CFAP299: variants seen among roughly 807,000 people sequenced by gnomAD.
The protein encoded by CFAP299 is cilia- and flagella-associated protein 299.
Under a neutral mutation model 27.0 loss-of-function variants are expected in CFAP299, and 21 were observed. The observed-to-expected ratio is 0.78, with a 90% CI of 0.55 to 1.12. The LOEUF (loss-of-function observed/expected upper bound fraction) is 1.12. Ranked by LOEUF, CFAP299 falls within the 50% of genes most tolerant of loss-of-function variation. The pLI, the probability that CFAP299 is intolerant of heterozygous loss-of-function variation, is 0.00. For synonymous variants in CFAP299, 104 were observed against 98.1 expected, an observed-to-expected ratio of 1.06 and a Z score of -0.36; for missense variants, 310 against 276.6, an observed-to-expected ratio of 1.12 and a Z score of -0.86.
intron 2 of CFAP299, among the ~76,000 whole-genome samples, chr4:80,402,383 G>A (rs550682802): frequency 6.6e-6 from 1 of 152,202 alleles, no homozygotes; most frequent in South Asian, 2.1e-4. Flanking sequence ...TTCAATCATG[G>A]GGGCTGGTCT....
chr4:80,507,183 G>T (rs974700255), intron 2 of CFAP299, among the ~76,000 whole-genome samples: 4 of 152,072 alleles, frequency 2.6e-5, no homozygotes, highest in African/African-American at 9.7e-5. Context: ...GTAAGAGATT[G>T]CAGGTGGGTG....
intron 3 of CFAP299, among the ~76,000 whole-genome samples, chr4:80,622,016 T>G (rs980966448): frequency 6.6e-6 from 1 of 152,112 alleles, no homozygotes; most frequent in Admixed American, 6.6e-5. Context: ...GAGAAGGCAC[T>G]TAAGTGTCAG....
At chr4:80,831,002 G>T (rs1730269866) in intron 3 of CFAP299, among the ~76,000 whole-genome samples, 1 of 152,018 alleles carries the variant, frequency 6.6e-6, no homozygotes, top group Non-Finnish European at 1.5e-5. Context: ...TGGCTAACAT[G>T]TTCAGTGTTG....
chr4:80,958,060 G>A (rs1451242600), intron 5 of CFAP299, among the ~76,000 whole-genome samples: 3 of 151,968 alleles, frequency 2.0e-5, no homozygotes, highest in Non-Finnish European at 4.4e-5. Flanking sequence ...ATTATTTGTC[G>A]TCCTGCTGCT....
At chr4:80,581,918 G>A (rs1484368122) in intron 2 of CFAP299, among the ~76,000 whole-genome samples, 2 of 151,766 alleles carry the variant, frequency 1.3e-5, no homozygotes, top group Non-Finnish European at 2.9e-5. Flanking sequence ...CCCTGAAAGG[G>A]GTTGTAAGAA....
At chr4:80,932,638 T>TA (rs780494479) in intron 4 of CFAP299, among the ~76,000 whole-genome samples, 4 of 152,144 alleles carry the variant, frequency 2.6e-5, no homozygotes, top group African/African-American at 7.2e-5. Flanking sequence ...GGATCAACCA[T>TA]AAAAAAACAT....
chr4:80,812,874 A>T (rs1211364178), intron 3 of CFAP299, among the ~76,000 whole-genome samples: 1 of 152,118 alleles, frequency 6.6e-6, no homozygotes, highest in African/African-American at 2.4e-5. Context: ...TTACATTTGG[A>T]TCTAATGACA....
At position 80,480,075 on chromosome 4, in the gene CFAP299, C is replaced by A. The variant is rs192745348; in HGVS notation, c.243-103018C>A. Reference sequence around the variant, plus strand: ...TTTAATATATTCTTTTCCTTATGTACCAGTGCATTTTTTTTTAAAAAAGTT... The same window carrying A: ...TTTAATATATTCTTTTCCTTATGTAACAGTGCATTTTTTTTTAAAAAAGTT... On this transcript the variant is annotated intron_variant, in intron 2 of 5. Coordinates refer to ENST00000358105, the MANE Select transcript of CFAP299 (RefSeq NM_152770.3). Among the ~76,000 whole-genome samples the A allele has an allele frequency of 3.2e-3, 481 of 151,912 alleles. 4 individuals carry two copies. Among genetic ancestry groups the A allele is most frequent in the African/African-American group, 0.011 (460 of 41,502 alleles).
chr4:80,716,300 G>A (rs1422794673), intron 3 of CFAP299, among the ~76,000 whole-genome samples: 1 of 151,650 alleles, frequency 6.6e-6, no homozygotes, highest in African/African-American at 2.4e-5. Context: ...CTTTGCAGAT[G>A]AGAAAAATGA....
chr4:80,844,642 T>C (rs867879483), intron 3 of CFAP299, among the ~76,000 whole-genome samples: 27 of 152,322 alleles, frequency 1.8e-4, no homozygotes, highest in African/African-American at 6.0e-4. Context: ...TCATTGTAGA[T>C]TCTGGATATT....
chr4:80,637,170 T>A (rs1199474542), intron 3 of CFAP299, among the ~76,000 whole-genome samples: 1 of 152,176 alleles, frequency 6.6e-6, no homozygotes, highest in Non-Finnish European at 1.5e-5. Flanking sequence ...CACTATATAA[T>A]GTTTAATAAA....
chr4:80,571,699 G>A (rs1735588074), intron 2 of CFAP299, among the ~76,000 whole-genome samples: 1 of 151,796 alleles, frequency 6.6e-6, no homozygotes, highest in Non-Finnish European at 1.5e-5. Context: ...CATAAGGGTT[G>A]GGCCCTCATG....
At chr4:80,831,419 A>G (rs569053269) in intron 3 of CFAP299, among the ~76,000 whole-genome samples, 95 of 152,216 alleles carry the variant, frequency 6.2e-4, no homozygotes, top group Non-Finnish European at 1.2e-3. Context: ...TGTAGTGGAT[A>G]TGTGGAGAAG....
intron 2 of CFAP299, chr4:80,386,173 G>A: frequency 1.4e-6 from 1 of 696,330 alleles, no homozygotes; most frequent in Non-Finnish European, 2.3e-6. Context: ...AACACCCCGG[G>A]TCCGTCACTC....
At chr4:80,830,576 T>C (rs1236801454) in intron 3 of CFAP299, among the ~76,000 whole-genome samples, 2 of 152,018 alleles carry the variant, frequency 1.3e-5, no homozygotes, top group African/African-American at 2.4e-5. Flanking sequence ...AAAATGAGGA[T>C]GATCTTGTAA....
intron 1 of CFAP299, among the ~76,000 whole-genome samples, chr4:80,349,640 C>T (rs1391953162): frequency 1.3e-5 from 2 of 151,976 alleles, no homozygotes; most frequent in Admixed American, 6.5e-5. Flanking sequence ...AGGACTGCAA[C>T]GAGGAACTCA....
intron 3 of CFAP299, among the ~76,000 whole-genome samples, chr4:80,628,424 A>G (rs943521215): frequency 4.6e-5 from 7 of 152,144 alleles, no homozygotes; most frequent in Non-Finnish European, 8.8e-5. Flanking sequence ...TATCTGGGCA[A>G]TGACTTTTTT....
chr4:80,903,823 A>G (rs17004998), intron 4 of CFAP299, among the ~76,000 whole-genome samples: 48,973 of 152,032 alleles, frequency 0.32, 12,192 homozygotes, highest in African/African-American at 0.69. Context: ...AATGTAACAC[A>G]TAGTCTCTCA....
At chr4:80,854,857 T>G (rs1361655463) in intron 3 of CFAP299, among the ~76,000 whole-genome samples, 1 of 143,666 alleles carries the variant, frequency 7.0e-6, no homozygotes, top group Non-Finnish European at 1.5e-5. Flanking sequence ...AAAATTGGGT[T>G]GAAACGGTAT....
Sources: allele counts gnomAD v4.1 joint callset (sites outside exome capture counted in the v4.1 genomes callset), GRCh38; gene constraint gnomAD v4.1.1; transcripts MANE v1.5; gene names NCBI Gene and HGNC (gene_info 2026-07-23, HGNC 2026-07-21).